Variants in MON2 observed in about 807,000 individuals in gnomAD.
MON2 encodes the protein protein MON2 homolog.
In MON2, 84 loss-of-function variants were observed where a neutral mutation model predicts 208.6. That is an observed-to-expected ratio of 0.40 (90% confidence interval 0.34 to 0.48). MON2 has a LOEUF of 0.48. MON2 is among the 20% of genes least tolerant of loss of function. MON2 has a pLI of 0.59. For synonymous variants in MON2, 660 were observed against 694.0 expected (o/e 0.95, Z 0.77); for missense variants, 1,611 against 2,015.4 (o/e 0.80, Z 3.84).
At chr12:62,563,088 G>C (rs997811212) in intron 26 of MON2, among the ~76,000 whole-genome samples, 4 of 152,102 alleles carry the variant, frequency 2.6e-5, no homozygotes, top group Non-Finnish European at 5.9e-5. Context: ...ATTAATCACC[G>C]GGGCTGCCGG....
chr12:62,569,759 C>G (rs576621586), intron 29 of MON2, among the ~76,000 whole-genome samples: 1 of 152,124 alleles, frequency 6.6e-6, no homozygotes, highest in South Asian at 2.1e-4. Flanking sequence ...AGGGACAGTT[C>G]CTCCCAAAGC....
rs2072937568 is a variant in MON2 at position 62,535,779 on chromosome 12, A to G, written c.1900+70A>G. 2.5e-6 allele frequency: 3 copies of G among 1,221,914 alleles called. No individual in the cohort carries two copies. The Admixed American group carries it at 8.2e-5, about 33-fold the overall frequency. 75.7% of individuals were successfully genotyped at this position (1,221,914 alleles called of 1,614,324 possible). On this transcript the variant is annotated intron_variant, in intron 14 of 34. Coordinates refer to ENST00000393630, the MANE Select transcript of MON2 (RefSeq NM_015026.3). Reference sequence around the variant, plus strand: ...ATGGTGTAGACAGAAGATTATAAACATCTGAGTTTAAGTCTCTGCTTTTTC... The same window carrying G: ...ATGGTGTAGACAGAAGATTATAAACGTCTGAGTTTAAGTCTCTGCTTTTTC...
chr12:62,549,375 T>C (rs1213988542), intron 22 of MON2, among the ~76,000 whole-genome samples: 1 of 151,650 alleles, frequency 6.6e-6, no homozygotes, highest in African/African-American at 2.4e-5. Flanking sequence ...ATCGTAGCAC[T>C]TTGGGAGGCT....
At chr12:62,520,232 T>C (rs1016893141) in intron 8 of MON2, among the ~76,000 whole-genome samples, 1 of 152,264 alleles carries the variant, frequency 6.6e-6, no homozygotes, top group African/African-American at 2.4e-5. Context: ...TGTAACATCA[T>C]GTATTTTAGT....
At position 62,467,808 on chromosome 12, in the gene MON2, A is replaced by G. The variant is rs2135928684; in HGVS notation, c.111+490A>G. 1.3e-5 allele frequency among the ~76,000 whole-genome samples: 2 copies of G among 152,340 alleles called. 1 individual carries two copies. The highest frequency in any genetic ancestry group is 1.3e-4 in the Admixed American group (2 of 15,306). Reference sequence around the variant, plus strand: ...ACGTGTTAATAAACTATCCAGAGCCACCTAATTTATGAAGAATATTGAAGA... The same window carrying G: ...ACGTGTTAATAAACTATCCAGAGCCGCCTAATTTATGAAGAATATTGAAGA... On this transcript the variant is annotated intron_variant, in intron 1 of 34. Transcript: ENST00000393630.
Position 62,500,896 on chromosome 12 carries a change from A to C in MON2, c.663+16A>C. 2 of 1,408,532 alleles carry C rather than the reference A, an allele frequency of 1.4e-6. No individual in the cohort carries two copies. The highest frequency in any genetic ancestry group is 1.3e-5 in the South Asian group (1 of 74,074). The allele number at this position is 1,408,532 out of a possible 1,614,324, so 87.3% of individuals were successfully genotyped here. A position where few individuals can be genotyped will look rare whatever the true frequency, so the allele number is the denominator to read the frequency against. ...GCTTTTCCAGGTATTTTAGTTGATA[A>C]AAGTAATTTTTATTCTAAAATATAG... is the stretch of plus-strand genomic sequence containing the variant. On this transcript the variant is annotated intron_variant, in intron 6 of 34. Transcript: ENST00000393630.
At chr12:62,534,552 T>TATTTTATATATATATATAAA (rs2072865733) in intron 12 of MON2, among the ~76,000 whole-genome samples, 1 of 117,962 alleles carries the variant, frequency 8.5e-6, no homozygotes, top group African/African-American at 3.5e-5. Context: ...AATATATATA[T>TATTTTATATATATATATAAA]ATATATATAT....
chr12:62,519,534 C>A (rs2071891733), intron 8 of MON2, among the ~76,000 whole-genome samples: 1 of 152,160 alleles, frequency 6.6e-6, no homozygotes, highest in South Asian at 2.1e-4. Context: ...AAACCTATTA[C>A]ATGTTAACAT....
intron 28 of MON2, 101 bp downstream of exon 28, chr12:62,566,132 T>G (rs2074378091): frequency 7.1e-7 from 1 of 1,401,320 alleles, no homozygotes; most frequent in African/African-American, 1.5e-5. Flanking sequence ...TTCCAATAGT[T>G]TTAATTTTTG....
intron 29 of MON2, 70 bp downstream of exon 29, chr12:62,566,520 A>G (rs1326656693): frequency 1.5e-5 from 20 of 1,346,070 alleles, no homozygotes; most frequent in Non-Finnish European, 2.0e-5. Context: ...CTTAGGTAAT[A>G]CATTATCATT....
chr12:62,578,553 A>C lies in MON2; in HGVS notation c.4575+48A>C, dbSNP rs544822404. 3.4e-6 allele frequency: 4 copies of C among 1,188,070 alleles called. No homozygotes were observed. The East Asian group carries it at 7.4e-5, about 22-fold the overall frequency. The allele number at this position is 1,188,070 out of a possible 1,614,324, so 73.6% of individuals were successfully genotyped here. On this transcript the variant is annotated intron_variant, in intron 31 of 34. Transcript: ENST00000393630. ...TTTCCTGTGACCATTTTTGAAACCA[A>C]ATAGTAAAAATGTTTGAACTATACA...
chr12:62,585,836 A>G (rs907111960), intron 33 of MON2: 5 of 169,684 alleles, frequency 2.9e-5, no homozygotes, highest in East Asian at 1.6e-4. Context: ...GTGGATCTCT[A>G]TGAGCACATG....
chr12:62,521,276 A>G (rs1399045304), intron 8 of MON2, among the ~76,000 whole-genome samples: 1 of 152,046 alleles, frequency 6.6e-6, no homozygotes, highest in African/African-American at 2.4e-5. Context: ...CCCAAAGTGG[A>G]AGGATTACAG....
At chr12:62,505,662 C>T (rs1020208624) in intron 7 of MON2, among the ~76,000 whole-genome samples, 6 of 151,774 alleles carry the variant, frequency 4.0e-5, no homozygotes, top group Admixed American at 2.6e-4. Context: ...AGTCAGATGG[C>T]CTGAGCTCAG....
intron 1 of MON2, among the ~76,000 whole-genome samples, chr12:62,469,850 C>T (rs890544200): frequency 6.6e-6 from 1 of 151,510 alleles, no homozygotes; most frequent in African/African-American, 2.4e-5. Flanking sequence ...TTAGTCATTT[C>T]TGTCTTTTAT....
chr12:62,524,464 A>T, intron 8 of MON2, 51 bp from the exon 9 acceptor site: 1 of 1,447,598 alleles, frequency 6.9e-7, no homozygotes, highest in Non-Finnish European at 9.6e-7. Flanking sequence ...CACAGTCTAT[A>T]ATTCTTCTCT....
Position 62,600,382 on chromosome 12 carries a change from G to T in MON2, c.*7633G>T, listed in dbSNP as rs943116340. On this transcript the variant is annotated 3_prime_UTR_variant, in exon 35 of 35. Transcript: ENST00000393630. Reference sequence around the variant, plus strand: ...CTGTATGACAGAAGCTATTTGGAGCGCTCTCAAGTGCTTATTACAGCTAGT... The same window carrying T: ...CTGTATGACAGAAGCTATTTGGAGCTCTCTCAAGTGCTTATTACAGCTAGT... 6.6e-6 allele frequency: 1 copy of T among 152,136 alleles called. No homozygotes were observed. The highest frequency in any genetic ancestry group is 2.4e-5 in the African/African-American group (1 of 41,430). The allele number at this position is 152,136 out of a possible 1,614,324, so 9.4% of individuals were successfully genotyped here. A position where few individuals can be genotyped will look rare whatever the true frequency, so the allele number is the denominator to read the frequency against.
chr12:62,467,130 C>T lies in MON2; in HGVS notation c.-78C>T. On this transcript the variant is annotated 5_prime_UTR_variant, in exon 1 of 35. Transcript: ENST00000393630. Reference sequence around the variant, plus strand: ...AAGGACCAGAGACACCGGGAGGGAGCTGCCTGTGGCCCTAAGGAGCTGACC... The same window carrying T: ...AAGGACCAGAGACACCGGGAGGGAGTTGCCTGTGGCCCTAAGGAGCTGACC... 1 of 1,178,042 alleles carries T rather than the reference C, an allele frequency of 8.5e-7. No individual in the cohort carries two copies. Among genetic ancestry groups the T allele is most frequent in the Non-Finnish European group, 1.2e-6 (1 of 812,220 alleles). The allele number at this position is 1,178,042 out of a possible 1,614,324, so 73.0% of individuals were successfully genotyped here. A position where few individuals can be genotyped will look rare whatever the true frequency, so the allele number is the denominator to read the frequency against.
At chr12:62,569,063 A>G (rs2074491677) in intron 29 of MON2, among the ~76,000 whole-genome samples, 1 of 152,196 alleles carries the variant, frequency 6.6e-6, no homozygotes, top group Non-Finnish European at 1.5e-5. Context: ...TCTTTCTCCA[A>G]AATTGTGAAC....
Sources: gnomAD v4.1 joint callset for allele counts (sites outside exome capture counted in the v4.1 genomes callset) on GRCh38, gnomAD v4.1.1 for gene constraint, MANE v1.5 for transcripts, NCBI Gene and HGNC (gene_info 2026-07-23, HGNC 2026-07-21) for gene names.